The following TRPM3 variants were observed in gnomAD, a reference collection of about 807,000 sequenced individuals.
TRPM3 encodes the protein transient receptor potential cation channel subfamily M member 3, also known as long transient receptor potential channel 3.
A neutral mutation model predicts 181.2 loss-of-function variants in TRPM3; 77 were observed. That is an observed-to-expected ratio of 0.42 (90% confidence interval 0.35 to 0.51). The LOEUF (loss-of-function observed/expected upper bound fraction) is 0.51, where lower values mean the gene tolerates loss of function less well. Ranked by LOEUF, TRPM3 falls within the 20% of genes least tolerant of loss-of-function variation. The pLI is 0.01. For missense variants in TRPM3, 1,759 were observed against 2,196.7 expected (o/e 0.80, Z 3.98); for synonymous variants, 745 against 796.4 (o/e 0.94, Z 1.09).
intron 21 of TRPM3, among the ~76,000 whole-genome samples, chr9:70,597,456 GTAGGGGACACACT>G (rs1267189585): frequency 1.3e-5 from 2 of 152,226 alleles, no homozygotes; most frequent in African/African-American, 4.8e-5. Flanking sequence ...TAAAGATGAA[GTAGGGGACACACT>G]TAGAAAACTG....
intron 22 of TRPM3, among the ~76,000 whole-genome samples, chr9:70,564,615 GA>G (rs892741043): frequency 2.6e-5 from 4 of 152,180 alleles, no homozygotes; most frequent in African/African-American, 9.6e-5. Flanking sequence ...GCCTTCTTAG[GA>G]AAAGAACCAG....
At chr9:71,349,888 A>C (rs1261144310) in intron 1 of TRPM3, among the ~76,000 whole-genome samples, 1 of 151,694 alleles carries the variant, frequency 6.6e-6, no homozygotes, top group Admixed American at 6.6e-5. Context: ...CCTGGGATCC[A>C]TCACTCCATC....
At chr9:71,420,558 A>T (rs1289150491) in intron 1 of TRPM3, among the ~76,000 whole-genome samples, 7 of 151,066 alleles carry the variant, frequency 4.6e-5, no homozygotes, top group South Asian at 2.1e-4. Context: ...AGAAAGAAAG[A>T]GAAAGAAAAA....
rs199958858 is a variant in TRPM3, at chr9:71,229,223, A to G, written c.183+217430T>C. Among the ~76,000 whole-genome samples the G allele has an allele frequency of 2.0e-5, 3 of 152,200 alleles. No homozygotes were observed. The East Asian group carries it at 5.8e-4, about 29-fold the overall frequency. ...CCAAATGCATGCATTGGGGAATGAC[A>G]TTCTTTTTAATCAATAGTGCTGGGA... On this transcript the variant is annotated intron_variant, in intron 1 of 24. Transcript: ENST00000357533.
chr9:70,638,996 G>T, intron 11 of TRPM3, 64 bp downstream of exon 11: 1 of 1,561,872 alleles, frequency 6.4e-7, no homozygotes, highest in Admixed American at 1.7e-5. Context: ...GGCATATGGG[G>T]GGCAGGAGAA....
intron 1 of TRPM3, among the ~76,000 whole-genome samples, chr9:71,168,585 A>AT (rs1220995079): frequency 6.3e-4 from 22 of 35,030 alleles, no homozygotes; most frequent in African/African-American, 3.0e-3. Context: ...TTTGTTTTTT[A>AT]TTTTTTTATT....
chr9:71,440,943 T>C (rs555624532), intron 1 of TRPM3, among the ~76,000 whole-genome samples: 82 of 152,356 alleles, frequency 5.4e-4, no homozygotes, highest in African/African-American at 1.9e-3. Flanking sequence ...TTTTTAAAGA[T>C]CTAGTAATTA....
chr9:70,930,124 T>A (rs1038610610), intron 1 of TRPM3, among the ~76,000 whole-genome samples: 1 of 152,210 alleles, frequency 6.6e-6, no homozygotes, highest in South Asian at 2.1e-4. Flanking sequence ...TCCATCTGTT[T>A]GGGGGTGGTA....
At chr9:70,629,468 TGGGATTAC>T (rs1234453483) in intron 12 of TRPM3, among the ~76,000 whole-genome samples, 1 of 152,034 alleles carries the variant, frequency 6.6e-6, no homozygotes, top group African/African-American at 2.4e-5. Context: ...CCAGTGTAGT[TGGGATTAC>T]AGGCATGTGC....
Position 71,359,658 on chromosome 9 carries a change from T to C in TRPM3, c.183+86995A>G, listed in dbSNP as rs561251938. 5.9e-5 allele frequency among the ~76,000 whole-genome samples: 9 copies of C among 152,280 alleles called. No individual in the cohort carries two copies. The East Asian group carries it at 7.7e-4, about 13-fold the overall frequency. ...CCCTGTCTTTTCTTAGTAACTTTCT[T>C]GGGTGCATGTTTCCATCTAGGATTT... On this transcript the variant is annotated intron_variant, in intron 1 of 24. Transcript: ENST00000357533.
chr9:70,982,069 T>G (rs1285237824), intron 1 of TRPM3, among the ~76,000 whole-genome samples: 1 of 152,158 alleles, frequency 6.6e-6, no homozygotes, highest in East Asian at 1.9e-4. Flanking sequence ...CTCACCCAAC[T>G]TCACTCCTGG....
intron 9 of TRPM3, among the ~76,000 whole-genome samples, chr9:70,642,184 T>A (rs912513264): frequency 6.6e-5 from 10 of 152,196 alleles, no homozygotes; most frequent in African/African-American, 2.4e-4. Context: ...CCATATGTCA[T>A]ATGTAACATC....
At chr9:70,868,062 A>G (rs2095691845) in intron 1 of TRPM3, among the ~76,000 whole-genome samples, 1 of 152,034 alleles carries the variant, frequency 6.6e-6, no homozygotes, top group Non-Finnish European at 1.5e-5. Flanking sequence ...AACAGACATC[A>G]TGTCTTAAAA....
At chr9:71,426,591 G>A (rs948345813) in intron 1 of TRPM3, among the ~76,000 whole-genome samples, 1 of 152,108 alleles carries the variant, frequency 6.6e-6, no homozygotes, top group African/African-American at 2.4e-5. Context: ...ATGGCCCCAT[G>A]CTGTAATGTT....
intron 1 of TRPM3, among the ~76,000 whole-genome samples, chr9:71,220,843 C>T (rs2080196798): frequency 6.6e-6 from 1 of 152,146 alleles, no homozygotes; most frequent in African/African-American, 2.4e-5. Context: ...TTGACACCAT[C>T]CCCTGCCCAT....
intron 6 of TRPM3, among the ~76,000 whole-genome samples, chr9:70,820,530 G>A (rs561346291): frequency 6.6e-6 from 1 of 152,150 alleles, no homozygotes; most frequent in Non-Finnish European, 1.5e-5. Context: ...CGCCGAGCCT[G>A]TTATAAGACA....
At position 71,076,029 on chromosome 9, in the gene TRPM3, C is replaced by G. The variant is rs1052340769; in HGVS notation, c.177+45149G>C. Among the ~76,000 whole-genome samples the G allele has an allele frequency of 4.6e-5, 7 of 152,156 alleles. No individual in the cohort carries two copies. In the East Asian group the frequency reaches 9.7e-4, roughly 21 times the overall value. Reference sequence around the variant, plus strand: ...GTTTCATTGAGATATATTTAAGATACAGTTAAGTACCAACTGTACGTTTAC... The same window carrying G: ...GTTTCATTGAGATATATTTAAGATAGAGTTAAGTACCAACTGTACGTTTAC... On this transcript the variant is annotated intron_variant, in intron 1 of 25. Coordinates refer to ENST00000677713, the MANE Select transcript of TRPM3 (RefSeq NM_001366145.2).
intron 1 of TRPM3, among the ~76,000 whole-genome samples, chr9:70,920,425 A>G (rs1047739499): frequency 6.6e-6 from 1 of 152,210 alleles, no homozygotes; most frequent in African/African-American, 2.4e-5. Flanking sequence ...TAAAAAGAAA[A>G]GAAACTGTGG....
chr9:71,074,458 A>G (rs573933928), intron 1 of TRPM3, among the ~76,000 whole-genome samples: 5 of 152,320 alleles, frequency 3.3e-5, no homozygotes, highest in Middle Eastern at 3.4e-3. Flanking sequence ...TAATGGGAAC[A>G]TGGGCAGCAG....
Sources: allele counts gnomAD v4.1 joint callset (sites outside exome capture counted in the v4.1 genomes callset), GRCh38; gene constraint gnomAD v4.1.1; transcripts MANE v1.5; gene names NCBI Gene and HGNC (gene_info 2026-07-23, HGNC 2026-07-21).